The following MCF2L variants were observed in gnomAD, a reference collection of about 807,000 sequenced individuals.
The protein encoded by MCF2L is guanine nucleotide exchange factor DBS.
MCF2L carries 97 observed loss-of-function variants against 153.4 expected under a neutral mutation model. That is an observed-to-expected ratio of 0.63 (90% CI 0.54 to 0.75). The LOEUF is 0.75. MCF2L is among the 30% of genes least tolerant of loss of function. The probability of loss-of-function intolerance (pLI) is 0.00; values close to 1 mark genes in which losing one functional copy is unlikely to be tolerated. For missense variants in MCF2L, 1,347 were observed against 1,495.2 expected, an observed-to-expected ratio of 0.90 and a Z score of 1.64; for synonymous variants, 659 against 632.2, an observed-to-expected ratio of 1.04 and a Z score of -0.64.
intron 1 of MCF2L, among the ~76,000 whole-genome samples, chr13:112,901,196 T>C (rs1594295324): frequency 6.6e-6 from 1 of 152,290 alleles, no homozygotes; most frequent in Admixed American, 6.5e-5. Context: ...CTGTTGTGCC[T>C]AGGCTGGAGT....
At chr13:113,081,933 TGTG>T (rs1365607687) in intron 16 of MCF2L, among the ~76,000 whole-genome samples, 11 of 144,506 alleles carry the variant, frequency 7.6e-5, no homozygotes, top group African/African-American at 2.1e-4. Context: ...AGTGTGCACA[TGTG>T]GTCACCTGAG....
chr13:112,939,540 G>T (rs1279965524), intron 2 of MCF2L, among the ~76,000 whole-genome samples: 1 of 152,204 alleles, frequency 6.6e-6, no homozygotes, highest in Non-Finnish European at 1.5e-5. Flanking sequence ...GTCTTGTATT[G>T]CTGGATGTGT....
intron 12 of MCF2L, 33 bp from the exon 13 acceptor site, chr13:113,077,019 G>A (rs1199704441): frequency 1.3e-6 from 2 of 1,588,204 alleles, no homozygotes. Context: ...ACACCAACAT[G>A]TGCAAGGCAC....
In MCF2L at chr13:113,016,734, C is replaced by T. The variant is rs143492499; in HGVS notation, c.163+1888C>T. ...TGCACAGCCGGCCCTCTCCATGCAG[C>T]GAATTTCTTCCGCGGGGCTTGTGGC... is the stretch of plus-strand genomic sequence containing the variant. On this transcript the variant is annotated intron_variant, in intron 2 of 29. Coordinates refer to ENST00000535094, the MANE Select transcript of MCF2L (RefSeq NM_001112732.3). Among the ~76,000 whole-genome samples the T allele has an allele frequency of 8.7e-4, 132 of 152,298 alleles. 3 individuals carry two copies. In the East Asian group the frequency reaches 0.021, roughly 24 times the overall value.
At chr13:113,072,653 C>G (rs1457894845) in intron 9 of MCF2L, among the ~76,000 whole-genome samples, 1 of 152,132 alleles carries the variant, frequency 6.6e-6, no homozygotes, top group Non-Finnish European at 1.5e-5. Context: ...TTATAGTATT[C>G]TTTCTTATCT....
rs1044365419 is a variant in MCF2L, at chr13:112,907,325, C to A, written c.169+4954C>A. ...ACTTTGGGGAAGGGGAAAATGACCA[C>A]AAGAAACAGATACTTGGAAGGAAAT... On this transcript the variant is annotated intron_variant, in intron 2 of 29. Transcript: ENST00000375608. The surrounding 1 kb of genome is among the most constrained non-coding windows in gnomAD (Gnocchi z 5.1). Among the ~76,000 whole-genome samples the A allele has an allele frequency of 4.6e-5, 7 of 152,164 alleles. No individual in the cohort carries two copies. In the South Asian group the frequency reaches 1.0e-3, roughly 23 times the overall value.
chr13:113,088,330 C>A lies in MCF2L; in HGVS notation c.2692C>A (p.Pro898Thr). 6.2e-7 allele frequency: 1 copy of A among 1,613,950 alleles called. No individual in the cohort carries two copies. The highest frequency in any genetic ancestry group is 8.5e-7 in the Non-Finnish European group (1 of 1,179,986). The change falls in exon 24 of 30, where the codon CCA becomes ACA. Residue 898 changes from proline (P) to threonine (T), a missense_variant. Transcript: ENST00000535094. ...GGCGTTTCTTTTGGGGAAACAGGCG[C>A]CAACTCCTGAGATTAAAGCCGCGTG... The part of the protein sequence containing the change: ...AREEVYIVQA[P>T]TPEIKAAWVN...
At position 112,969,406 on chromosome 13, in the gene MCF2L, G is replaced by A; in HGVS notation, c.27G>A (p.Glu9=). Residue 9 remains glutamate (E), a synonymous_variant, in exon 1 of 30, where the codon GAG becomes GAA. Transcript: ENST00000535094. This position sits in a 1 kb window ranked among gnomAD's most constrained non-coding sequence, Gnocchi z 4.8. ...TGAGGTTTTGGCTGAGGACTGAAGA[G>A]ATGGCCTTGGAAGAAATGGTGCAGA... MRFWLRTE[E]MALEEMVQRL... is the part of the protein sequence containing the mutation. 6.4e-7 allele frequency: 1 copy of A among 1,550,494 alleles called. No homozygotes were observed. Among genetic ancestry groups the A allele is most frequent in the Non-Finnish European group, 8.7e-7 (1 of 1,146,912 alleles).
At chr13:113,090,409 C>G in intron 26 of MCF2L, 2 of 985,438 alleles carry the variant, frequency 2.0e-6, no homozygotes, top group Non-Finnish European at 2.4e-6. Context: ...CTGTCCTTGG[C>G]TTTCCAGGCC....
At chr13:113,011,771 T>G (rs1016930839) in intron 1 of MCF2L, among the ~76,000 whole-genome samples, 1 of 111,738 alleles carries the variant, frequency 8.9e-6, no homozygotes, top group Non-Finnish European at 1.9e-5. Context: ...GGACAGGCGG[T>G]GTGGACGGTG....
chr13:113,057,892 G>C (rs1357980054), intron 4 of MCF2L, among the ~76,000 whole-genome samples: 4 of 144,026 alleles, frequency 2.8e-5, no homozygotes, highest in Non-Finnish European at 6.0e-5. Flanking sequence ...TGAGTGTTTG[G>C]GTGCTGAGTG....
chr13:112,981,916 G>T (rs569062020), intron 1 of MCF2L, among the ~76,000 whole-genome samples: 1 of 152,242 alleles, frequency 6.6e-6, no homozygotes, highest in South Asian at 2.1e-4. Context: ...CAGGATGTGC[G>T]TCTCCGATTG....
At chr13:113,071,443 G>C (rs2032908884) in intron 9 of MCF2L, among the ~76,000 whole-genome samples, 1 of 152,082 alleles carries the variant, frequency 6.6e-6, no homozygotes, top group Admixed American at 6.5e-5. Context: ...TCCTTTTAAG[G>C]TTTATACTTT....
intron 1 of MCF2L, among the ~76,000 whole-genome samples, chr13:113,003,503 G>T (rs2083500794): frequency 6.6e-6 from 1 of 152,096 alleles, no homozygotes; most frequent in Non-Finnish European, 1.5e-5. Flanking sequence ...GTGAGCAGGG[G>T]TAGGTGGCTG....
rs371497316 is a variant in MCF2L at position 113,096,439 on chromosome 13, C to G, written c.3144C>G (p.Ser1048Arg). The change falls in exon 28 of 30, where the codon AGC (serine) becomes AGG (arginine). Residue 1048 changes from serine (S) to arginine (R), a missense_variant. By Grantham distance (110) the Ser-to-Arg change is moderately radical. Around this residue, in one of 3 missense-constraint regions of MCF2L, gnomAD observed 383 missense variants for 335.4 expected, o/e 1.14. Coordinates refer to ENST00000535094, the MANE Select transcript of MCF2L (RefSeq NM_001112732.3). ...GCCCCGATGCGCTGCGCGTGAGGAG[C>G]GGGGACGTGGTGGAGCTGGTGCAGG... is the stretch of plus-strand genomic sequence containing the variant. ...KGGPDALRVR[S>R]GDVVELVQEG... 6.3e-7 allele frequency: 1 copy of G among 1,594,358 alleles called. No individual in the cohort carries two copies. The highest frequency in any genetic ancestry group is 8.5e-7 in the Non-Finnish European group (1 of 1,171,840).
intron 4 of MCF2L, among the ~76,000 whole-genome samples, chr13:113,050,975 T>C (rs934028747): frequency 6.6e-6 from 1 of 151,180 alleles, no homozygotes; most frequent in African/African-American, 2.4e-5. Context: ...GGCGAGACCG[T>C]CCCCCAGGGC....
intron 1 of MCF2L, among the ~76,000 whole-genome samples, chr13:112,997,423 T>C (rs1429342886): frequency 6.6e-6 from 1 of 152,174 alleles, no homozygotes; most frequent in Admixed American, 6.5e-5. Context: ...CACCCATAGC[T>C]GGGACCCCGT....
intron 1 of MCF2L, chr13:113,002,119 G>T (rs1033771134): frequency 2.5e-5 from 27 of 1,058,976 alleles, no homozygotes; most frequent in Non-Finnish European, 6.4e-6. Flanking sequence ...CCGGGGCTGG[G>T]GGATGCCGGG....
chr13:112,991,685 G>A (rs937256878), intron 1 of MCF2L, among the ~76,000 whole-genome samples: 3 of 152,226 alleles, frequency 2.0e-5, no homozygotes, highest in South Asian at 2.1e-4. Flanking sequence ...GGCGTTTGCT[G>A]TTTGTGACCC....
Sources: allele counts gnomAD v4.1 joint callset (sites outside exome capture counted in the v4.1 genomes callset), GRCh38; gene constraint gnomAD v4.1.1; regional missense constraint gnomAD v4.1.1; non-coding constraint Gnocchi (gnomAD v3.1); transcripts MANE v1.5; gene names NCBI Gene and HGNC (gene_info 2026-07-23, HGNC 2026-07-21).